Variants in PTPRT observed in about 807,000 individuals in gnomAD.
The protein encoded by PTPRT is receptor-type tyrosine-protein phosphatase T.
PTPRT carries 56 observed loss-of-function variants against 176.8 expected under a neutral mutation model. That is an observed-to-expected ratio of 0.32 (90% CI 0.26 to 0.40). The LOEUF (loss-of-function observed/expected upper bound fraction) is 0.40. PTPRT is among the 10% of genes least tolerant of loss of function. The pLI, the probability that PTPRT is intolerant of heterozygous loss-of-function variation, is 1.00. For synonymous variants in PTPRT, 783 were observed against 739.0 expected (o/e 1.06, Z -0.96); for missense variants, 1,540 against 1,908.2 (o/e 0.81, Z 3.60).
chr20:42,909,052 A>G (rs987817580), intron 1 of PTPRT, among the ~76,000 whole-genome samples: 3 of 152,152 alleles, frequency 2.0e-5, no homozygotes, highest in African/African-American at 7.2e-5. Flanking sequence ...CCACTTGGGA[A>G]GCTGAGGTGG....
chr20:42,209,331 C>A (rs1295727759), intron 15 of PTPRT, among the ~76,000 whole-genome samples: 5 of 152,084 alleles, frequency 3.3e-5, no homozygotes, highest in African/African-American at 9.6e-5. Context: ...ACACAAAAAA[C>A]CCTTCAAAAA....
At chr20:43,040,383 G>T (rs981842888) in intron 1 of PTPRT, among the ~76,000 whole-genome samples, 17 of 152,168 alleles carry the variant, frequency 1.1e-4, no homozygotes, top group African/African-American at 3.9e-4. Context: ...AGCCAATATG[G>T]TTGCCAACAG....
At chr20:43,175,376 A>G (rs970959445) in intron 1 of PTPRT, among the ~76,000 whole-genome samples, 9 of 152,278 alleles carry the variant, frequency 5.9e-5, no homozygotes, top group African/African-American at 2.2e-4. Flanking sequence ...CCTTCCATAT[A>G]GAAAATAAAA....
At chr20:42,260,933 C>T (rs2056737489) in intron 13 of PTPRT, among the ~76,000 whole-genome samples, 2 of 152,178 alleles carry the variant, frequency 1.3e-5, no homozygotes, top group Admixed American at 1.3e-4. Context: ...GATGGCAGCT[C>T]TTGGCCAAGG....
chr20:42,386,494 G>A (rs1006168361), intron 9 of PTPRT, among the ~76,000 whole-genome samples: 2 of 152,196 alleles, frequency 1.3e-5, no homozygotes, highest in African/African-American at 4.8e-5. Context: ...TACCTGAGAG[G>A]AGTGGAACTG....
chr20:42,600,321 G>T (rs2073755041), intron 7 of PTPRT, among the ~76,000 whole-genome samples: 1 of 152,102 alleles, frequency 6.6e-6, no homozygotes, highest in Admixed American at 6.5e-5. Context: ...TGTATTTTTA[G>T]TAGAGACGGG....
intron 9 of PTPRT, among the ~76,000 whole-genome samples, chr20:42,419,080 C>CA (rs902944081): frequency 1.3e-5 from 2 of 152,198 alleles, no homozygotes; most frequent in African/African-American, 2.4e-5. Flanking sequence ...GATTTCCCCC[C>CA]ACAGGGTGCT....
chr20:42,270,258 T>C, intron 13 of PTPRT: 2 of 633,306 alleles, frequency 3.2e-6, no homozygotes, highest in Non-Finnish European at 5.2e-6. Flanking sequence ...ATGTGTGGGT[T>C]GATGGGTGAA....
chr20:42,583,544 C>T lies in PTPRT; in HGVS notation c.1153+94322G>A, dbSNP rs112429699. Among the ~76,000 whole-genome samples, 1,295 of 152,194 alleles carry T rather than the reference C, an allele frequency of 8.5e-3. 13 individuals carry two copies. Among genetic ancestry groups the T allele is most frequent in the Non-Finnish European group, 0.012 (807 of 68,006 alleles). ...ATGGCTGAACACTGACCTTCCAGTGCCTACAGCTTTTAAAAAGAGTAAAAA... is the reference window on the plus strand; with the variant it reads ...ATGGCTGAACACTGACCTTCCAGTGTCTACAGCTTTTAAAAAGAGTAAAAA... On this transcript the variant is annotated intron_variant, in intron 7 of 30. Coordinates refer to ENST00000373187, the MANE Select transcript of PTPRT (RefSeq NM_007050.6).
At chr20:42,523,265 T>A (rs12480717) in intron 7 of PTPRT, among the ~76,000 whole-genome samples, 45,603 of 152,102 alleles carry the variant, frequency 0.3, 7,856 homozygotes, top group East Asian at 0.41. Context: ...CCCTGAGTAG[T>A]CCTGACACCA....
chr20:42,709,169 ATCCTCTTT>A (rs2076106240), intron 6 of PTPRT, among the ~76,000 whole-genome samples: 1 of 152,186 alleles, frequency 6.6e-6, no homozygotes, highest in Admixed American at 6.5e-5. Flanking sequence ...AGTTCCCCAC[ATCCTCTTT>A]TCCTCTTTGT....
chr20:42,627,561 C>T (rs1003494308), intron 7 of PTPRT, among the ~76,000 whole-genome samples: 3 of 152,110 alleles, frequency 2.0e-5, no homozygotes, highest in Admixed American at 2.0e-4. Flanking sequence ...CATGAGCCAC[C>T]ATGCCTGGCC....
At chr20:42,104,156 G>C (rs1986205858) in intron 25 of PTPRT, among the ~76,000 whole-genome samples, 1 of 152,152 alleles carries the variant, frequency 6.6e-6, no homozygotes, top group Admixed American at 6.5e-5. Flanking sequence ...TCATGAACGG[G>C]ATTAGTGCTC....
At chr20:42,647,786 TC>T (rs370706451) in intron 7 of PTPRT, among the ~76,000 whole-genome samples, 20 of 152,280 alleles carry the variant, frequency 1.3e-4, no homozygotes, top group African/African-American at 3.9e-4. Flanking sequence ...AAACCAAGGC[TC>T]TAGTAGCCTG....
At chr20:42,687,033 G>A (rs3092591) in intron 6 of PTPRT, among the ~76,000 whole-genome samples, 5,793 of 152,214 alleles carry the variant, frequency 0.038, 406 homozygotes, top group African/African-American at 0.13. Context: ...TTGCCATAAA[G>A]ATTATATAAA....
chr20:42,938,017 T>C (rs1476480246), intron 1 of PTPRT, among the ~76,000 whole-genome samples: 1 of 152,174 alleles, frequency 6.6e-6, no homozygotes, highest in African/African-American at 2.4e-5. Flanking sequence ...GAAATAAATA[T>C]GTGTTAAAGA....
intron 1 of PTPRT, among the ~76,000 whole-genome samples, chr20:42,977,718 T>G (rs1454701498): frequency 6.6e-6 from 1 of 152,210 alleles, no homozygotes; most frequent in African/African-American, 2.4e-5. Flanking sequence ...GTAATTATCA[T>G]TTTTTACATC....
chr20:42,556,384 A>G (rs1568974689), intron 7 of PTPRT, among the ~76,000 whole-genome samples: 1 of 152,158 alleles, frequency 6.6e-6, no homozygotes, highest in Non-Finnish European at 1.5e-5. Flanking sequence ...TCAACATCTC[A>G]TATTTACAAA....
intron 7 of PTPRT, among the ~76,000 whole-genome samples, chr20:42,503,042 C>T (rs187040277): frequency 6.6e-6 from 1 of 151,942 alleles, no homozygotes; most frequent in African/African-American, 2.4e-5. Flanking sequence ...GTTAAGGTAT[C>T]CTCTTTTATT....
Sources: allele counts gnomAD v4.1 joint callset (sites outside exome capture counted in the v4.1 genomes callset), GRCh38; gene constraint gnomAD v4.1.1; transcripts MANE v1.5; gene names NCBI Gene and HGNC (gene_info 2026-07-23, HGNC 2026-07-21).